RFTN2: variants seen among roughly 807,000 people sequenced by gnomAD.
The protein encoded by RFTN2 is raftlin-2.
Under a neutral mutation model 52.7 loss-of-function variants are expected in RFTN2, and 34 were observed. The observed-to-expected ratio is 0.64, with a 90% CI of 0.49 to 0.86. The LOEUF (loss-of-function observed/expected upper bound fraction) is 0.86, where lower values mean the gene tolerates loss of function less well. RFTN2 is among the 40% of genes least tolerant of loss of function. RFTN2 has a pLI of 0.00. For missense variants in RFTN2, 536 were observed against 600.1 expected (o/e 0.89, Z 1.12); for synonymous variants, 203 against 217.7 (o/e 0.93, Z 0.59).
intron 5 of RFTN2, among the ~76,000 whole-genome samples, chr2:197,630,390 A>C (rs1184491901): frequency 6.6e-6 from 1 of 151,462 alleles, no homozygotes; most frequent in Non-Finnish European, 1.5e-5. Flanking sequence ...TTTAACCCTC[A>C]TCTCTTAAAA....
chr2:197,633,776 T>C lies in RFTN2; in HGVS notation c.660A>G (p.Gly220=), dbSNP rs1466550031. The C allele has an allele frequency of 3.1e-6, 5 of 1,613,888 alleles. No homozygotes were observed. The highest frequency in any genetic ancestry group is 1.7e-5 in the Admixed American group (1 of 59,998). The change falls in exon 4 of 9, where the codon GGA becomes GGG. Residue 220 remains glycine, a synonymous_variant. Transcript: ENST00000295049. The part of the protein sequence containing the change: ...GIEEELHHES[G]QYQMEQNGSP... The stretch of plus-strand genomic sequence containing the variant: ...TGCCATTTTGTTCCATTTGATACTG[T>C]CCACTTTCATGATGAAGTTCTTCCT...
Position 197,572,866 on chromosome 2 carries a change from A to G in RFTN2, c.1234-586T>C, listed in dbSNP as rs186205542. On this transcript the variant is annotated intron_variant, in intron 8 of 8. Transcript: ENST00000295049. The stretch of plus-strand genomic sequence containing the variant: ...GGTGGGTCTTATCCCATGAATAAGT[A>G]TCATGAGATCTGATGGTTTTATAAA... Among the ~76,000 whole-genome samples the G allele has an allele frequency of 7.7e-4, 117 of 152,262 alleles. 1 individual carries two copies. Among genetic ancestry groups the G allele is most frequent in the African/African-American group, 2.7e-3 (111 of 41,550 alleles).
chr2:197,648,826 C>G (rs999904391), intron 1 of RFTN2, among the ~76,000 whole-genome samples: 1 of 152,224 alleles, frequency 6.6e-6, no homozygotes, highest in Non-Finnish European at 1.5e-5. Context: ...ACCAGGCCTT[C>G]ATTTCCTTCC....
intron 8 of RFTN2, among the ~76,000 whole-genome samples, chr2:197,590,049 C>T (rs962704270): frequency 1.3e-5 from 2 of 151,156 alleles, no homozygotes; most frequent in African/African-American, 4.9e-5. Context: ...CTGGGATTAC[C>T]CGTGTGCGCC....
chr2:197,595,647 G>A (rs562355409), intron 8 of RFTN2, among the ~76,000 whole-genome samples: 2 of 152,332 alleles, frequency 1.3e-5, no homozygotes, highest in East Asian at 1.9e-4. Context: ...GATTAGACAC[G>A]TTTACAAATG....
intron 7 of RFTN2, among the ~76,000 whole-genome samples, chr2:197,599,491 C>T (rs1326355427): frequency 6.6e-6 from 1 of 151,894 alleles, no homozygotes; most frequent in Non-Finnish European, 1.5e-5. Flanking sequence ...CAGCGGATCC[C>T]GAGGCAGTGT....
intron 8 of RFTN2, among the ~76,000 whole-genome samples, chr2:197,585,472 G>A (rs2087581689): frequency 6.6e-6 from 1 of 152,120 alleles, no homozygotes; most frequent in Non-Finnish European, 1.5e-5. Context: ...GATCTTTGCT[G>A]ACAGGGCACA....
intron 8 of RFTN2, among the ~76,000 whole-genome samples, chr2:197,594,777 A>AACCTCTCT (rs1347594228): frequency 1.3e-5 from 2 of 152,138 alleles, no homozygotes; most frequent in African/African-American, 4.8e-5. Context: ...TCTTCCCAAC[A>AACCTCTCT]ACCTCTCTAC....
At chr2:197,605,097 A>G (rs536134253) in intron 7 of RFTN2, among the ~76,000 whole-genome samples, 1 of 152,278 alleles carries the variant, frequency 6.6e-6, no homozygotes, top group African/African-American at 2.4e-5. Flanking sequence ...TTATATCACA[A>G]AAATTGTTTT....
chr2:197,641,088 GGGA>G (rs1216809469), intron 3 of RFTN2, among the ~76,000 whole-genome samples: 1 of 152,164 alleles, frequency 6.6e-6, no homozygotes, highest in Non-Finnish European at 1.5e-5. Flanking sequence ...AATGTTACCT[GGGA>G]GGAGAAGAAA....
At chr2:197,607,671 T>C (rs530985666) in intron 7 of RFTN2, among the ~76,000 whole-genome samples, 12 of 152,128 alleles carry the variant, frequency 7.9e-5, no homozygotes, top group African/African-American at 2.2e-4. Context: ...AAAACTGAAA[T>C]AAAATTTTGC....
At chr2:197,632,554 A>G (rs938924608) in intron 4 of RFTN2, among the ~76,000 whole-genome samples, 5 of 152,326 alleles carry the variant, frequency 3.3e-5, no homozygotes, top group Non-Finnish European at 7.3e-5. Flanking sequence ...TTTCCTTTAT[A>G]AATTACCCAG....
chr2:197,659,431 C>T (rs554184717), intron 1 of RFTN2, among the ~76,000 whole-genome samples: 3 of 149,110 alleles, frequency 2.0e-5, no homozygotes, highest in South Asian at 2.1e-4. Context: ...GAGCCGAGAC[C>T]GTGCTGCTGC....
At chr2:197,573,331 T>C (rs2087350719) in intron 8 of RFTN2, among the ~76,000 whole-genome samples, 1 of 152,158 alleles carries the variant, frequency 6.6e-6, no homozygotes, top group Admixed American at 6.5e-5. Context: ...AGGAACTTGT[T>C]GGGAACTGGA....
intron 3 of RFTN2, among the ~76,000 whole-genome samples, chr2:197,642,998 T>A (rs140130307): frequency 1.3e-5 from 2 of 152,360 alleles, no homozygotes; most frequent in East Asian, 3.8e-4. Context: ...ATGGGATTTA[T>A]GATTCTTCTT....
intron 1 of RFTN2, among the ~76,000 whole-genome samples, chr2:197,665,309 G>A (rs770416596): frequency 6.6e-6 from 1 of 152,042 alleles, no homozygotes; most frequent in Non-Finnish European, 1.5e-5. Flanking sequence ...TAAATCCAAT[G>A]TTTCTTTGTT....
At position 197,607,896 on chromosome 2, in the gene RFTN2, T is replaced by C. The variant is rs572365328; in HGVS notation, c.1154+7980A>G. On this transcript the variant is annotated intron_variant, in intron 7 of 8. Coordinates refer to ENST00000295049, the MANE Select transcript of RFTN2 (RefSeq NM_144629.3). Reference sequence around the variant, plus strand: ...TTTATGTTCAGATGAGAAAGAGCGATGGTAACTGGAAGTATATATAATAGA... The same window carrying C: ...TTTATGTTCAGATGAGAAAGAGCGACGGTAACTGGAAGTATATATAATAGA... Among the ~76,000 whole-genome samples, 3 of 152,302 alleles carry C rather than the reference T, an allele frequency of 2.0e-5. No homozygotes were observed. In the East Asian group the frequency reaches 5.8e-4, roughly 29 times the overall value.
chr2:197,595,796 T>C (rs2087785318), intron 8 of RFTN2, among the ~76,000 whole-genome samples, 195 bp downstream of exon 8: 1 of 152,252 alleles, frequency 6.6e-6, no homozygotes, highest in South Asian at 2.1e-4. Flanking sequence ...AAGTGGCATA[T>C]TTTGTGATGG....
At chr2:197,591,711 G>GC (rs1479732740) in intron 8 of RFTN2, among the ~76,000 whole-genome samples, 2 of 152,206 alleles carry the variant, frequency 1.3e-5, no homozygotes, top group Non-Finnish European at 2.9e-5. Flanking sequence ...CGGCGGGGAG[G>GC]CAGCTAAGAC....
Sources: allele counts gnomAD v4.1 joint callset (sites outside exome capture counted in the v4.1 genomes callset), GRCh38; gene constraint gnomAD v4.1.1; transcripts MANE v1.5; gene names NCBI Gene and HGNC (gene_info 2026-07-23, HGNC 2026-07-21).